The following TMEM212 variants were observed in gnomAD, a reference collection of about 807,000 sequenced individuals.
TMEM212 encodes the protein transmembrane protein 212.
TMEM212 carries 23 observed loss-of-function variants against 20.5 expected under a neutral mutation model. That is an observed-to-expected ratio of 1.12 (90% CI 0.81 to 1.59). The LOEUF (loss-of-function observed/expected upper bound fraction) is 1.59, where lower values mean the gene tolerates loss of function less well. Among genes scored for constraint, TMEM212 ranks in the 40% most tolerant of loss-of-function variants. TMEM212 has a pLI of 0.00. For synonymous variants in TMEM212, 76 were observed against 81.6 expected (o/e 0.93, Z 0.37); for missense variants, 211 against 215.0 (o/e 0.98, Z 0.12).
At chr3:171,856,594 C>A (rs901402697) in intron 3 of TMEM212, 69 bp from the exon 4 acceptor site, 2 of 596,920 alleles carry the variant, frequency 3.4e-6, no homozygotes, top group Admixed American at 2.6e-5. Context: ...ACATGGGTGC[C>A]CCTCCCACAG....
At chr3:171,843,594 G>A in intron 1 of TMEM212, 52 bp downstream of exon 1, 1 of 1,421,480 alleles carries the variant, frequency 7.0e-7, no homozygotes, top group Non-Finnish European at 9.3e-7. Context: ...AGGTGGGAGG[G>A]AAAGGGAAAA....
At chr3:171,848,075 T>C (rs1003876254) in intron 1 of TMEM212, among the ~76,000 whole-genome samples, 2 of 152,208 alleles carry the variant, frequency 1.3e-5, no homozygotes, top group African/African-American at 4.8e-5. Flanking sequence ...CCATTTTTTT[T>C]CTTCTCCAAC....
intron 2 of TMEM212, 42 bp from the exon 3 acceptor site, chr3:171,853,485 T>C: frequency 6.7e-7 from 1 of 1,489,242 alleles, no homozygotes; most frequent in East Asian, 2.5e-5. Context: ...CTTTGAAATA[T>C]TTTGTTCCCA....
intron 1 of TMEM212, among the ~76,000 whole-genome samples, chr3:171,847,302 C>T (rs1460593202): frequency 6.6e-6 from 1 of 152,202 alleles, no homozygotes; most frequent in Non-Finnish European, 1.5e-5. Context: ...AGTGACTTGG[C>T]CAATGGCAAG....
intron 4 of TMEM212, 90 bp downstream of exon 4, chr3:171,856,797 A>G (rs1355909006): frequency 1.0e-5 from 5 of 488,554 alleles, no homozygotes; most frequent in African/African-American, 2.0e-5. Flanking sequence ...TGTTTAAACA[A>G]GCTTTATATA....
intron 1 of TMEM212, among the ~76,000 whole-genome samples, chr3:171,843,743 T>C (rs1402445574): frequency 1.3e-5 from 2 of 152,206 alleles, no homozygotes; most frequent in African/African-American, 4.8e-5. Flanking sequence ...TGTTTTATCA[T>C]GTATACATGT....
At chr3:171,851,914 G>C in intron 1 of TMEM212, 68 bp from the exon 2 acceptor site, 2 of 1,365,874 alleles carry the variant, frequency 1.5e-6, no homozygotes, top group Non-Finnish European at 2.0e-6. Flanking sequence ...CAAACTGTGA[G>C]ACAGATTGAA....
At chr3:171,844,021 C>T (rs1229213600) in intron 1 of TMEM212, among the ~76,000 whole-genome samples, 1 of 152,154 alleles carries the variant, frequency 6.6e-6, no homozygotes, top group Non-Finnish European at 1.5e-5. Context: ...CTTTCTCTTG[C>T]AAGCAACTGT....
At chr3:171,851,160 G>A (rs1724968858) in intron 1 of TMEM212, among the ~76,000 whole-genome samples, 2 of 152,140 alleles carry the variant, frequency 1.3e-5, no homozygotes, top group Non-Finnish European at 2.9e-5. Flanking sequence ...AACCTCAAAA[G>A]AGCCATTAAC....
At chr3:171,846,314 C>G (rs537732113) in intron 1 of TMEM212, among the ~76,000 whole-genome samples, 1 of 152,110 alleles carries the variant, frequency 6.6e-6, no homozygotes, top group Non-Finnish European at 1.5e-5. Flanking sequence ...AAATTGTAAT[C>G]CCCTGACCCC....
At chr3:171,847,599 A>G (rs541020072) in intron 1 of TMEM212, among the ~76,000 whole-genome samples, 4 of 152,296 alleles carry the variant, frequency 2.6e-5, no homozygotes, top group African/African-American at 9.6e-5. Context: ...TCAATATAGA[A>G]CAAGGTTCTA....
Position 171,845,277 on chromosome 3 carries a change from T to C in TMEM212, c.159+1735T>C, listed in dbSNP as rs1387345360. Among the ~76,000 whole-genome samples the C allele has an allele frequency of 3.9e-5, 6 of 152,344 alleles. No individual in the cohort carries two copies. In the East Asian group the frequency reaches 9.6e-4, roughly 24 times the overall value. On this transcript the variant is annotated intron_variant, in intron 1 of 4. Coordinates refer to ENST00000334567, the MANE Select transcript of TMEM212 (RefSeq NM_001164436.2). ...ATCTACATTCTTCTCTCTAGATAAA[T>C]AGATATCTACATCTATTATGTATAT...
At chr3:171,852,579 G>A (rs1725002572) in intron 2 of TMEM212, among the ~76,000 whole-genome samples, 1 of 152,216 alleles carries the variant, frequency 6.6e-6, no homozygotes, top group Non-Finnish European at 1.5e-5. Context: ...GGGGAGGACA[G>A]AGCCTGTGTT....
intron 2 of TMEM212, 122 bp downstream of exon 2, chr3:171,852,163 C>A: frequency 1.3e-6 from 1 of 757,062 alleles, no homozygotes; most frequent in South Asian, 1.8e-5. Flanking sequence ...CTAATTGATG[C>A]CTTACTACAA....
intron 1 of TMEM212, among the ~76,000 whole-genome samples, chr3:171,846,226 C>T (rs1724828041): frequency 6.6e-6 from 1 of 152,174 alleles, no homozygotes; most frequent in South Asian, 2.1e-4. Context: ...GGCTCACTCC[C>T]TAGTCTCCTT....
At chr3:171,848,580 G>GA (rs1724891141) in intron 1 of TMEM212, among the ~76,000 whole-genome samples, 36 of 144,632 alleles carry the variant, frequency 2.5e-4, no homozygotes, top group African/African-American at 9.0e-4. Context: ...AATAGAATAG[G>GA]ATAGAATAGA....
chr3:171,847,702 T>C (rs563842701), intron 1 of TMEM212, among the ~76,000 whole-genome samples: 5 of 152,114 alleles, frequency 3.3e-5, no homozygotes, highest in African/African-American at 1.2e-4. Context: ...ACAGGAAATA[T>C]CAGGGGCAAG....
chr3:171,851,508 G>A lies in TMEM212; in HGVS notation c.160-474G>A, dbSNP rs535666449. Among the ~76,000 whole-genome samples the A allele has an allele frequency of 3.3e-5, 5 of 152,330 alleles. No homozygotes were observed. The South Asian group carries it at 1.0e-3, about 32-fold the overall frequency. On this transcript the variant is annotated intron_variant, in intron 1 of 4. Transcript: ENST00000334567. ...GGGATCGTGTATTTGCATCCCACCA[G>A]CAGGCTGAGGCTATGGAATCTCAAA...
At chr3:171,852,487 T>A (rs1163820404) in intron 2 of TMEM212, among the ~76,000 whole-genome samples, 2 of 152,218 alleles carry the variant, frequency 1.3e-5, no homozygotes, top group African/African-American at 4.8e-5. Flanking sequence ...AGGCATTAGC[T>A]ACTGCGCCCA....
Sources: gnomAD v4.1 joint callset for allele counts (sites outside exome capture counted in the v4.1 genomes callset) on GRCh38, gnomAD v4.1.1 for gene constraint, MANE v1.5 for transcripts, NCBI Gene and HGNC (gene_info 2026-07-23, HGNC 2026-07-21) for gene names.